Variants in DPYD observed in about 807,000 individuals in gnomAD.
The protein encoded by DPYD is dihydropyrimidine dehydrogenase.
Under a neutral mutation model 116.2 loss-of-function variants are expected in DPYD, and 109 were observed. The observed-to-expected ratio is 0.94, with a 90% CI of 0.80 to 1.10. DPYD has a LOEUF of 1.10. Among genes scored for constraint, DPYD ranks in the 50% least tolerant of loss-of-function variants. The pLI is 0.00. For missense variants in DPYD, 1,302 were observed against 1,254.5 expected (o/e 1.04, Z -0.57); for synonymous variants, 440 against 432.0 (o/e 1.02, Z -0.23).
intron 20 of DPYD, among the ~76,000 whole-genome samples, chr1:97,189,574 A>G (rs1658218793): frequency 6.6e-6 from 1 of 152,194 alleles, no homozygotes; most frequent in Admixed American, 6.5e-5. Flanking sequence ...CCCATAATTA[A>G]AAGTGCCAAA....
intron 18 of DPYD, among the ~76,000 whole-genome samples, chr1:97,239,551 G>T (rs1019017941): frequency 3.3e-5 from 5 of 151,808 alleles, no homozygotes; most frequent in African/African-American, 4.8e-5. Flanking sequence ...TCTTATCATT[G>T]TAGTAGGTTA....
At chr1:97,432,974 G>C (rs1318526095) in intron 14 of DPYD, among the ~76,000 whole-genome samples, 1 of 152,078 alleles carries the variant, frequency 6.6e-6, no homozygotes, top group Non-Finnish European at 1.5e-5. Context: ...GATATCTCTT[G>C]CTGCTTTACA....
At chr1:97,124,278 A>G (rs1461842952) in intron 20 of DPYD, among the ~76,000 whole-genome samples, 1 of 152,110 alleles carries the variant, frequency 6.6e-6, no homozygotes, top group Non-Finnish European at 1.5e-5. Context: ...TTGACCAGAC[A>G]GATTTTAGTC....
At chr1:97,715,360 A>G (rs1321366472) in intron 5 of DPYD, among the ~76,000 whole-genome samples, 4 of 152,178 alleles carry the variant, frequency 2.6e-5, no homozygotes, top group African/African-American at 9.6e-5. Flanking sequence ...CAATAAGTCC[A>G]AGGATGCCAA....
At chr1:97,744,812 GA>G (rs1262337230) in intron 3 of DPYD, among the ~76,000 whole-genome samples, 1 of 151,952 alleles carries the variant, frequency 6.6e-6, no homozygotes, top group African/African-American at 2.4e-5. Flanking sequence ...CATGTCTACT[GA>G]AAACTGAGCA....
intron 12 of DPYD, chr1:97,545,956 T>C: frequency 8.2e-7 from 1 of 1,225,922 alleles, no homozygotes. Context: ...CTACTGCACT[T>C]CCTTGAAGAT....
chr1:97,096,043 T>G (rs1650223616), intron 21 of DPYD: 1 of 152,164 alleles, frequency 6.6e-6, no homozygotes, highest in South Asian at 2.1e-4. Flanking sequence ...CCAAGGACAT[T>G]TCACTCTGGA....
At chr1:97,386,242 G>A (rs935296263) in intron 14 of DPYD, among the ~76,000 whole-genome samples, 9 of 151,646 alleles carry the variant, frequency 5.9e-5, no homozygotes, top group African/African-American at 1.7e-4. Flanking sequence ...TAGGTACTCT[G>A]CTTCTATCAA....
intron 21 of DPYD, among the ~76,000 whole-genome samples, chr1:97,090,677 ATG>A (rs1649838171): frequency 6.6e-6 from 1 of 152,302 alleles, no homozygotes; most frequent in Admixed American, 6.5e-5. Context: ...AATTTTTAAC[ATG>A]TGTCTTTCTC....
chr1:97,627,538 A>G (rs943140063), intron 8 of DPYD, among the ~76,000 whole-genome samples: 3 of 152,070 alleles, frequency 2.0e-5, no homozygotes, highest in Non-Finnish European at 4.4e-5. Flanking sequence ...TCTAAGAACC[A>G]AAAAATGTAT....
chr1:97,602,260 T>A (rs1181422330), intron 8 of DPYD, among the ~76,000 whole-genome samples: 1 of 152,050 alleles, frequency 6.6e-6, no homozygotes, highest in Admixed American at 6.5e-5. Flanking sequence ...ATAATTTTTA[T>A]GAAGTTATAG....
intron 20 of DPYD, among the ~76,000 whole-genome samples, chr1:97,142,785 A>C (rs1203239574): frequency 6.6e-6 from 1 of 152,010 alleles, no homozygotes; most frequent in Non-Finnish European, 1.5e-5. Context: ...TGGCACTTGA[A>C]TAGTCTTGAT....
chr1:97,492,192 A>G (rs1271794941), intron 13 of DPYD, among the ~76,000 whole-genome samples: 2 of 152,124 alleles, frequency 1.3e-5, no homozygotes, highest in Admixed American at 6.5e-5. Flanking sequence ...ATTGACTTCA[A>G]TAGGGCTTGG....
chr1:97,126,994 C>CCA (rs769939711), intron 20 of DPYD, among the ~76,000 whole-genome samples: 4 of 151,994 alleles, frequency 2.6e-5, no homozygotes, highest in Non-Finnish European at 5.9e-5. Context: ...CTAAGGAACC[C>CCA]AAAGATAAAT....
intron 11 of DPYD, among the ~76,000 whole-genome samples, chr1:97,561,542 A>C (rs1652143794): frequency 6.6e-6 from 1 of 152,198 alleles, no homozygotes; most frequent in South Asian, 2.1e-4. Context: ...ACAGAGTGAA[A>C]TAGAAGAGCA....
chr1:97,222,914 C>T (rs992403021), intron 19 of DPYD, among the ~76,000 whole-genome samples: 1 of 151,946 alleles, frequency 6.6e-6, no homozygotes, highest in African/African-American at 2.4e-5. Flanking sequence ...TGGCCTGAAA[C>T]TGAATGATGA....
chr1:97,317,024 G>A (rs1251644420), intron 16 of DPYD, among the ~76,000 whole-genome samples: 1 of 151,676 alleles, frequency 6.6e-6, no homozygotes, highest in African/African-American at 2.4e-5. Context: ...GCCATACATT[G>A]GCCATATTTC....
chr1:97,469,397 C>CA (rs59090402), intron 13 of DPYD, among the ~76,000 whole-genome samples: 11 of 80,806 alleles, frequency 1.4e-4, no homozygotes, highest in African/African-American at 6.0e-4. Flanking sequence ...GCTAAAATTG[C>CA]AAAAAAAAAA....
chr1:97,124,520 T>G (rs1652686764), intron 20 of DPYD, among the ~76,000 whole-genome samples: 4 of 152,152 alleles, frequency 2.6e-5, no homozygotes, highest in African/African-American at 9.7e-5. Context: ...AGTGTCCACA[T>G]AATAATCTGT....
Sources: allele counts gnomAD v4.1 joint callset (sites outside exome capture counted in the v4.1 genomes callset), GRCh38; gene constraint gnomAD v4.1.1; transcripts MANE v1.5; gene names NCBI Gene and HGNC (gene_info 2026-07-23, HGNC 2026-07-21).